CACNA1E: variants seen among roughly 807,000 people sequenced by gnomAD.
CACNA1E encodes voltage-dependent R-type calcium channel subunit alpha-1E.
Under a neutral mutation model 259.2 loss-of-function variants are expected in CACNA1E, and 40 were observed. The observed-to-expected ratio is 0.15, with a 90% CI of 0.12 to 0.20. The LOEUF (loss-of-function observed/expected upper bound fraction) is 0.20. Among genes scored for constraint, CACNA1E ranks in the 10% least tolerant of loss-of-function variants. The pLI is 1.00. For synonymous variants in CACNA1E, 1,104 were observed against 1,138.5 expected, an observed-to-expected ratio of 0.97 and a Z score of 0.61; for missense variants, 1,874 against 3,040.1, an observed-to-expected ratio of 0.62 and a Z score of 9.02.
At chr1:181,382,063 C>T (rs1449082604) in intron 1 of CACNA1E, among the ~76,000 whole-genome samples, 2 of 152,150 alleles carry the variant, frequency 1.3e-5, no homozygotes, top group Non-Finnish European at 2.9e-5. Flanking sequence ...CTGGGGACAG[C>T]CCCTAGGCTG....
intron 7 of CACNA1E, among the ~76,000 whole-genome samples, chr1:181,654,920 G>A (rs1352453185): frequency 1.3e-4 from 19 of 148,408 alleles, no homozygotes; most frequent in Non-Finnish European, 2.1e-4. Context: ...AGGGGGCGGA[G>A]CCTGCAGTGA....
chr1:181,708,497 G>A (rs16858021), intron 7 of CACNA1E, among the ~76,000 whole-genome samples: 19,684 of 152,176 alleles, frequency 0.13, 1,354 homozygotes, highest in Admixed American at 0.19. Flanking sequence ...TCCTCCGGTC[G>A]TAGCCTGCTT....
chr1:181,485,042 A>G lies in CACNA1E; in HGVS notation c.266+1032A>G, dbSNP rs970535735. ...TAAGGATTGGACGCCTGGCAAGGCC[A>G]TTGGGAATTGGGGGTGGTGAGGCAG... On this transcript the variant is annotated intron_variant, in intron 1 of 47. Transcript: ENST00000367573. This position sits in a 1 kb window ranked among gnomAD's most constrained non-coding sequence, Gnocchi z 4.2. 2.6e-5 allele frequency among the ~76,000 whole-genome samples: 4 copies of G among 152,230 alleles called. No homozygotes were observed. The highest frequency in any genetic ancestry group is 6.5e-5 in the Admixed American group (1 of 15,286).
At chr1:181,376,717 C>T (rs1415300548) in intron 1 of CACNA1E, among the ~76,000 whole-genome samples, 2 of 152,166 alleles carry the variant, frequency 1.3e-5, no homozygotes, top group African/African-American at 4.8e-5. Context: ...GCTGCTGTCT[C>T]CTAGTTTTCT....
chr1:181,365,850 C>T lies in CACNA1E; in HGVS notation c.-14-47283C>T, dbSNP rs190870001. 2.6e-5 allele frequency among the ~76,000 whole-genome samples: 4 copies of T among 152,322 alleles called. No homozygotes were observed. In the East Asian group the frequency reaches 5.8e-4, roughly 22 times the overall value. ...CAGATGATGGAAGTGCTGGTAGCTA[C>T]AGCATCCTCACAGAGGAAGTGGACA... On this transcript the variant is annotated intron_variant, in intron 1 of 11. Coordinates refer to the CACNA1E transcript ENST00000524607.
chr1:181,716,018 G>A lies in CACNA1E; in HGVS notation c.1226-22G>A, dbSNP rs758710221. 4.5e-6 allele frequency: 7 copies of A among 1,539,344 alleles called. No homozygotes were observed. The Admixed American group carries it at 9.7e-5, about 21-fold the overall frequency. On this transcript the variant is annotated intron_variant, in intron 9 of 47. Coordinates refer to ENST00000367573, the MANE Select transcript of CACNA1E (RefSeq NM_001205293.3). The stretch of plus-strand genomic sequence containing the variant: ...TGGGTGTACTTGTGGCCTCTCACTG[G>A]TCTTCCCTTTCCCTGATGCAGTGCT...
intron 6 of CACNA1E, among the ~76,000 whole-genome samples, chr1:181,581,079 G>C (rs927603255): frequency 4.6e-5 from 7 of 152,110 alleles, no homozygotes; most frequent in African/African-American, 1.7e-4. Flanking sequence ...TTGGTTGGAC[G>C]TGGCGGTAGG....
chr1:181,385,029 GTC>G (rs1347603793), intron 1 of CACNA1E, among the ~76,000 whole-genome samples: 6 of 152,000 alleles, frequency 3.9e-5, no homozygotes, highest in Non-Finnish European at 1.5e-5. Flanking sequence ...TTGCCCTGAT[GTC>G]TCTGCTGAGA....
At chr1:181,731,341 T>C (rs979443165) in intron 19 of CACNA1E, 110 bp downstream of exon 19, 16 of 805,196 alleles carry the variant, frequency 2.0e-5, no homozygotes, top group Non-Finnish European at 3.4e-5. Context: ...TGTCAGTGTG[T>C]GGCTTGGTGT....
chr1:181,773,260 G>A (rs537963298), intron 37 of CACNA1E, among the ~76,000 whole-genome samples: 68 of 152,322 alleles, frequency 4.5e-4, no homozygotes, highest in African/African-American at 1.6e-3. Flanking sequence ...TTGCCTGTAG[G>A]TCAGTGTGGC....
At chr1:181,391,375 A>G (rs1656264627) in intron 1 of CACNA1E, among the ~76,000 whole-genome samples, 1 of 152,226 alleles carries the variant, frequency 6.6e-6, no homozygotes, top group Non-Finnish European at 1.5e-5. Flanking sequence ...GAATATTAAT[A>G]CAAAGATTTG....
intron 27 of CACNA1E, among the ~76,000 whole-genome samples, chr1:181,754,533 GGTCTGTTGCCTTTT>G (rs1215233424): frequency 1.3e-5 from 2 of 152,308 alleles, no homozygotes; most frequent in Non-Finnish European, 2.9e-5. Context: ...GGTCTCTGGA[GGTCTGTTGCCTTTT>G]AACTGAAGTG....
chr1:181,388,377 T>C (rs907103549), intron 1 of CACNA1E, among the ~76,000 whole-genome samples: 1 of 152,200 alleles, frequency 6.6e-6, no homozygotes, highest in Non-Finnish European at 1.5e-5. Flanking sequence ...GAGAAAGGCA[T>C]CGCTAGGTGA....
intron 39 of CACNA1E, among the ~76,000 whole-genome samples, chr1:181,782,860 T>A (rs1211582429): frequency 6.6e-6 from 1 of 152,166 alleles, no homozygotes; most frequent in Non-Finnish European, 1.5e-5. Flanking sequence ...GGGATGAAGC[T>A]TGGTGGGAGA....
rs11302089 is a variant in CACNA1E at position 181,423,662 on chromosome 1, A to ATTTTTTTTTTTTTTTTTT, written c.434+10098_434+10099insTTTTTTTTTTTTTTTTTT. On this transcript the variant is annotated intron_variant, in intron 2 of 11. Coordinates refer to the CACNA1E transcript ENST00000524607. ...GGTGAATTTAAGGGCCATTGGGCCA[A>ATTTTTTTTTTTTTTTTTT]TTTTTTTTTTTTTTTTGCTGGCCTT... 1.1e-3 allele frequency among the ~76,000 whole-genome samples: 139 copies of ATTTTTTTTTTTTTTTTTT among 131,016 alleles called. 5 individuals carry two copies. Among genetic ancestry groups the ATTTTTTTTTTTTTTTTTT allele is most frequent in the African/African-American group, 3.2e-3 (104 of 32,840 alleles). The allele number at this position is 131,016 out of a possible 152,430, so 86.0% of individuals were successfully genotyped here.
chr1:181,638,884 C>T (rs1657479288), intron 6 of CACNA1E, among the ~76,000 whole-genome samples: 1 of 152,196 alleles, frequency 6.6e-6, no homozygotes, highest in African/African-American at 2.4e-5. Flanking sequence ...TTTCCTGAGG[C>T]TTCCCCAGCC....
chr1:181,733,772 C>T (rs1655761114), intron 21 of CACNA1E, 22 bp downstream of exon 21: 3 of 1,475,584 alleles, frequency 2.0e-6, no homozygotes, highest in South Asian at 1.4e-5. Context: ...GTCCCTGTTC[C>T]CCTCCACCCC....
chr1:181,518,972 A>G (rs1270246655), intron 3 of CACNA1E, among the ~76,000 whole-genome samples: 1 of 152,306 alleles, frequency 6.6e-6, no homozygotes, highest in South Asian at 2.1e-4. Context: ...GTCTCCTGGC[A>G]TTGCATTCAC....
At chr1:181,743,347 G>T (rs1296037204) in intron 25 of CACNA1E, among the ~76,000 whole-genome samples, 1 of 152,226 alleles carries the variant, frequency 6.6e-6, no homozygotes, top group African/African-American at 2.4e-5. Context: ...TCATGTGAAA[G>T]GACCAGAAAC....
Sources: gnomAD v4.1 joint callset for allele counts (sites outside exome capture counted in the v4.1 genomes callset) on GRCh38, gnomAD v4.1.1 for gene constraint, Gnocchi (gnomAD v3.1) non-coding constraint, MANE v1.5 for transcripts, NCBI Gene and HGNC (gene_info 2026-07-23, HGNC 2026-07-21) for gene names.